AFAP1: variants seen among roughly 807,000 people sequenced by gnomAD.
AFAP1 encodes the protein actin filament associated protein 1, also known as actin filament-associated protein 1.
Under a neutral mutation model 93.9 loss-of-function variants are expected in AFAP1, and 75 were observed. That is an observed-to-expected ratio of 0.80 (90% CI 0.66 to 0.97). The LOEUF (loss-of-function observed/expected upper bound fraction) is 0.97, where lower values mean the gene tolerates loss of function less well. AFAP1 is among the 50% of genes least tolerant of loss of function. The pLI is 0.00. For synonymous variants in AFAP1, 517 were observed against 430.7 expected, an observed-to-expected ratio of 1.20 and a Z score of -2.48; for missense variants, 1,201 against 1,050.8, an observed-to-expected ratio of 1.14 and a Z score of -1.98.
intron 1 of AFAP1, among the ~76,000 whole-genome samples, chr4:7,873,031 C>T (rs1717190206): frequency 6.7e-6 from 1 of 150,130 alleles, no homozygotes; most frequent in Admixed American, 6.6e-5. Flanking sequence ...AGGCGGATCA[C>T]CTAAGGTCAG....
chr4:7,763,524 CTTTT>C lies in AFAP1; in HGVS notation c.*237_*240del. On this transcript the variant is annotated 3_prime_UTR_variant, in exon 18 of 18. Transcript: ENST00000420658. Reference sequence around the variant, plus strand: ...CATCCTTTCAAACACCTTTCCATCACTTTTTTTGTTTTTTAACAAAGTTGGGAAC... The same window carrying C: ...CATCCTTTCAAACACCTTTCCATCACTTTGTTTTTTAACAAAGTTGGGAAC... 3.6e-6 allele frequency: 2 copies of C among 549,536 alleles called. No homozygotes were observed. The highest frequency in any genetic ancestry group is 6.4e-6 in the Non-Finnish European group (2 of 311,624). 34.0% of individuals were successfully genotyped at this position (549,536 alleles called of 1,614,324 possible). A position where few individuals can be genotyped will look rare whatever the true frequency, so the allele number is the denominator to read the frequency against.
chr4:7,822,311 G>A (rs1481070627), intron 6 of AFAP1, among the ~76,000 whole-genome samples: 1 of 152,038 alleles, frequency 6.6e-6, no homozygotes, highest in African/African-American at 2.4e-5. Context: ...TACCTCAGGG[G>A]GTCATTGTGA....
rs183134662 is a variant in AFAP1 at position 7,759,083 on chromosome 4, G to T, written c.*4682C>A. On this transcript the variant is annotated 3_prime_UTR_variant, in exon 18 of 18. Coordinates refer to ENST00000420658, the MANE Select transcript of AFAP1 (RefSeq NM_001134647.2). ...AAGGAAATAATTACATTCTTAATATGAAAACATTTTACAACGTATCACCAT... is the reference window on the plus strand; with the variant it reads ...AAGGAAATAATTACATTCTTAATATTAAAACATTTTACAACGTATCACCAT... The T allele has an allele frequency of 1.3e-5, 2 of 152,688 alleles. No individual in the cohort carries two copies. The highest frequency in any genetic ancestry group is 4.8e-5 in the African/African-American group (2 of 41,558). The allele number at this position is 152,688 out of a possible 1,614,324, so 9.5% of individuals were successfully genotyped here. A position where few individuals can be genotyped will look rare whatever the true frequency, so the allele number is the denominator to read the frequency against.
chr4:7,835,426 A>G (rs1421622003), intron 6 of AFAP1, among the ~76,000 whole-genome samples: 96 of 66,344 alleles, frequency 1.4e-3, no homozygotes, highest in Admixed American at 1.8e-3. Flanking sequence ...GCTGCCTTAC[A>G]GTTACCTGGG....
intron 14 of AFAP1, chr4:7,777,692 C>T (rs1716290076): frequency 6.6e-6 from 1 of 152,218 alleles, no homozygotes; most frequent in Non-Finnish European, 1.5e-5. Flanking sequence ...GTGGCGATGG[C>T]ATGTAACCAC....
intron 1 of AFAP1, among the ~76,000 whole-genome samples, chr4:7,873,219 G>C (rs920017859): frequency 7.4e-6 from 1 of 135,756 alleles, no homozygotes; most frequent in African/African-American, 2.8e-5. Context: ...CTCCAGCCTG[G>C]GCGACAGTGG....
intron 1 of AFAP1, among the ~76,000 whole-genome samples, chr4:7,913,946 A>T (rs1262353084): frequency 2.6e-5 from 4 of 152,226 alleles, no homozygotes; most frequent in Non-Finnish European, 5.9e-5. Flanking sequence ...GTTATAATAC[A>T]TGTAATGTAT....
intron 10 of AFAP1, among the ~76,000 whole-genome samples, chr4:7,799,867 T>TA (rs1173617721): frequency 1.3e-5 from 2 of 152,146 alleles, no homozygotes; most frequent in African/African-American, 2.4e-5. Flanking sequence ...AGCAGCCAAA[T>TA]AAATAACAAA....
chr4:7,863,902 T>C (rs898515247), intron 3 of AFAP1, among the ~76,000 whole-genome samples: 6 of 89,352 alleles, frequency 6.7e-5, no homozygotes, highest in Admixed American at 1.4e-4. Context: ...CTGAAGTAAA[T>C]TGTACACTAA....
intron 4 of AFAP1, among the ~76,000 whole-genome samples, chr4:7,848,095 G>T (rs997911523): frequency 3.4e-4 from 33 of 98,472 alleles, no homozygotes; most frequent in Non-Finnish European, 7.0e-4. Flanking sequence ...AGGGAGGGAA[G>T]GAAAGAAGGA....
intron 9 of AFAP1, among the ~76,000 whole-genome samples, chr4:7,805,342 TACCC>T (rs1719409584): frequency 6.6e-6 from 1 of 152,232 alleles, no homozygotes; most frequent in South Asian, 2.1e-4. Flanking sequence ...TGGGAATGGC[TACCC>T]AGGCTCCATG....
At chr4:7,911,368 C>A (rs901168355) in intron 1 of AFAP1, among the ~76,000 whole-genome samples, 1 of 152,208 alleles carries the variant, frequency 6.6e-6, no homozygotes, top group African/African-American at 2.4e-5. Flanking sequence ...GCTGTACTGA[C>A]CCGGGCCTCG....
Position 7,778,936 on chromosome 4 carries a change from C to T in AFAP1, c.1783-60G>A, listed in dbSNP as rs1577195293. Reference sequence around the variant, plus strand: ...AACACAAAGTCAAACAAATCTTGGTCTTTTTTTTTTCTGGAGTCATTTCTT... The same window carrying T: ...AACACAAAGTCAAACAAATCTTGGTTTTTTTTTTTTCTGGAGTCATTTCTT... On this transcript the variant is annotated intron_variant, in intron 13 of 17. Coordinates refer to ENST00000420658, the MANE Select transcript of AFAP1 (RefSeq NM_001134647.2). 26 of 1,125,846 alleles carry T rather than the reference C, an allele frequency of 2.3e-5. No individual in the cohort carries two copies. The East Asian group carries it at 6.6e-4, about 29-fold the overall frequency. 69.7% of individuals were successfully genotyped at this position (1,125,846 alleles called of 1,614,324 possible).
chr4:7,767,981 TGGGA>T (rs1714851041), intron 17 of AFAP1, among the ~76,000 whole-genome samples: 1 of 152,028 alleles, frequency 6.6e-6, no homozygotes, highest in Non-Finnish European at 1.5e-5. Context: ...GAGGCTGAGG[TGGGA>T]GGATCACCTG....
chr4:7,854,233 T>G (rs576190194), intron 4 of AFAP1, among the ~76,000 whole-genome samples: 1 of 152,222 alleles, frequency 6.6e-6, no homozygotes, highest in Non-Finnish European at 1.5e-5. Context: ...AGTTGGTAAA[T>G]TATTCTCAAA....
At chr4:7,882,808 G>C (rs995546920) in intron 1 of AFAP1, among the ~76,000 whole-genome samples, 5 of 151,944 alleles carry the variant, frequency 3.3e-5, no homozygotes, top group African/African-American at 1.2e-4. Context: ...GCAGTGAGCC[G>C]AGATAGAGCC....
intron 1 of AFAP1, among the ~76,000 whole-genome samples, chr4:7,919,132 G>A (rs1203086415): frequency 6.6e-6 from 1 of 151,788 alleles, no homozygotes; most frequent in Non-Finnish European, 1.5e-5. Context: ...AAACAGGGCT[G>A]CAGATGAGAC....
At chr4:7,800,736 C>T in intron 9 of AFAP1, 83 bp from the exon 10 acceptor site, 1 of 1,349,520 alleles carries the variant, frequency 7.4e-7, no homozygotes, top group Admixed American at 1.8e-5. Flanking sequence ...CTGAGGAGGC[C>T]CAGGGATGGG....
chr4:7,847,764 G>T (rs1449498532), intron 4 of AFAP1, among the ~76,000 whole-genome samples: 1 of 139,590 alleles, frequency 7.2e-6, no homozygotes, highest in Non-Finnish European at 1.5e-5. Context: ...ACAGAGAGAG[G>T]AACAGGAAGG....
Sources: allele counts gnomAD v4.1 joint callset (sites outside exome capture counted in the v4.1 genomes callset), GRCh38; gene constraint gnomAD v4.1.1; transcripts MANE v1.5; gene names NCBI Gene and HGNC (gene_info 2026-07-23, HGNC 2026-07-21).